The following IL12RB2 variants were observed in gnomAD, a reference collection of about 807,000 sequenced individuals.
IL12RB2 encodes interleukin 12 receptor subunit beta 2, also known as interleukin-12 receptor subunit beta-2.
IL12RB2 carries 82 observed loss-of-function variants against 89.4 expected under a neutral mutation model. The observed-to-expected ratio is 0.92, with a 90% confidence interval of 0.77 to 1.10. The LOEUF is 1.10. Ranked by LOEUF, IL12RB2 falls within the 50% of genes least tolerant of loss-of-function variation. The pLI is 0.00. For missense variants in IL12RB2, 963 were observed against 1,031.9 expected (o/e 0.93, Z 0.92); for synonymous variants, 368 against 370.1 (o/e 0.99, Z 0.07).
intron 4 of IL12RB2, among the ~76,000 whole-genome samples, chr1:67,322,491 G>A (rs1656690336): frequency 6.6e-6 from 1 of 151,752 alleles, no homozygotes; most frequent in Non-Finnish European, 1.5e-5. Flanking sequence ...AGGGGGCATG[G>A]GGCAGAGGAG....
At chr1:67,390,816 T>C (rs1015860354) in intron 16 of IL12RB2, among the ~76,000 whole-genome samples, 10 of 152,032 alleles carry the variant, frequency 6.6e-5, no homozygotes, top group Admixed American at 2.0e-4. Flanking sequence ...AGGGGAGAAA[T>C]AGGAGAGAGA....
At chr1:67,357,664 G>C (rs1162668536) in intron 10 of IL12RB2, among the ~76,000 whole-genome samples, 1 of 152,134 alleles carries the variant, frequency 6.6e-6, no homozygotes, top group Non-Finnish European at 1.5e-5. Flanking sequence ...TCTGAGAGTG[G>C]TCAATTACAT....
chr1:67,339,891 G>T (rs1471945146), intron 9 of IL12RB2, among the ~76,000 whole-genome samples: 1 of 152,158 alleles, frequency 6.6e-6, no homozygotes, highest in African/African-American at 2.4e-5. Context: ...TTCGAATTGA[G>T]CTACTGATTG....
At position 67,376,488 on chromosome 1, in the gene IL12RB2, C is replaced by G. The variant is rs370507605; in HGVS notation, c.1718-3498C>G. On this transcript the variant is annotated intron_variant, in intron 13 of 16. Coordinates refer to ENST00000674203, the MANE Select transcript of IL12RB2 (RefSeq NM_001374259.2). Reference sequence around the variant, plus strand: ...ACTGGTGCCTTTATCATTGAATCACCCTGAGTGTAAGTTTTCAGACCGCCA... The same window carrying G: ...ACTGGTGCCTTTATCATTGAATCACGCTGAGTGTAAGTTTTCAGACCGCCA... Among the ~76,000 whole-genome samples, 30 of 152,280 alleles carry G rather than the reference C, an allele frequency of 2.0e-4. No homozygotes were observed. In the South Asian group the frequency reaches 6.0e-3, roughly 31 times the overall value.
At chr1:67,387,695 T>A (rs1665358602) in intron 15 of IL12RB2, among the ~76,000 whole-genome samples, 1 of 97,162 alleles carries the variant, frequency 1.0e-5, no homozygotes, top group African/African-American at 3.2e-5. Flanking sequence ...ACAGCAAGAC[T>A]GTCTCAAAAA....
intron 8 of IL12RB2, among the ~76,000 whole-genome samples, chr1:67,332,436 G>A (rs551810879): frequency 9.2e-5 from 14 of 152,064 alleles, no homozygotes; most frequent in South Asian, 2.1e-4. Context: ...GGCTGGTCTC[G>A]AACTCTTGAC....
At position 67,397,550 on chromosome 1, in the gene IL12RB2, T is replaced by G. The variant is rs1666436944; in HGVS notation, c.*1461T>G. Among the ~76,000 whole-genome samples, 2 of 152,170 alleles carry G rather than the reference T, an allele frequency of 1.3e-5. No individual in the cohort carries two copies. Among genetic ancestry groups the G allele is most frequent in the African/African-American group, 4.8e-5 (2 of 41,442 alleles). On this transcript the variant is annotated 3_prime_UTR_variant, in exon 17 of 17. Transcript: ENST00000674203. Reference sequence around the variant, plus strand: ...GAAGATAACTCTCTTTTCCACAACATGGACTTGGAACATGATCCATGTTTT... The same window carrying G: ...GAAGATAACTCTCTTTTCCACAACAGGGACTTGGAACATGATCCATGTTTT...
intron 10 of IL12RB2, among the ~76,000 whole-genome samples, chr1:67,352,694 A>G (rs1034841773): frequency 6.6e-6 from 1 of 152,354 alleles, no homozygotes; most frequent in Admixed American, 6.5e-5. Flanking sequence ...TTTTTCAAAT[A>G]TATGAAACTT....
chr1:67,376,588 C>T (rs531621067), intron 13 of IL12RB2, among the ~76,000 whole-genome samples: 19 of 152,306 alleles, frequency 1.2e-4, no homozygotes, highest in African/African-American at 4.1e-4. Context: ...TCCTGCTTGA[C>T]TTCTTGACTT....
At chr1:67,372,812 G>A in intron 13 of IL12RB2, 29 bp downstream of exon 13, 1 of 1,523,700 alleles carries the variant, frequency 6.6e-7, no homozygotes, top group Non-Finnish European at 9.1e-7. Context: ...TGCAGTGAGT[G>A]GGGCCTTCTT....
In IL12RB2 at chr1:67,367,880, GGT is replaced by G; in HGVS notation, c.1316_1317del (p.Val439AspfsTer27). 1 of 1,609,730 alleles carries G rather than the reference GGT, an allele frequency of 6.2e-7. No homozygotes were observed. The highest frequency in any genetic ancestry group is 8.5e-7 in the Non-Finnish European group (1 of 1,175,982). On this transcript the variant is annotated frameshift_variant, in exon 11 of 17. Transcript: ENST00000674203. LOFTEE classifies it high-confidence loss of function. ...ACTCAGAGGGCATGGACAACATTCT[GGT>G]GACTTGGCAGCCTCCCAGGAAAGAT... ...ANSEGMDNIL[V>X]TWQPPRKDPS...
At chr1:67,350,055 G>A (rs1660665062) in intron 9 of IL12RB2, among the ~76,000 whole-genome samples, 1 of 152,186 alleles carries the variant, frequency 6.6e-6, no homozygotes. Flanking sequence ...CCCCACCCAT[G>A]GAAGGGACAG....
chr1:67,324,348 A>G (rs1489390026), intron 4 of IL12RB2, among the ~76,000 whole-genome samples: 1 of 151,916 alleles, frequency 6.6e-6, no homozygotes, highest in Non-Finnish European at 1.5e-5. Flanking sequence ...TCAGCCTCCC[A>G]AGTAGCTGGG....
intron 10 of IL12RB2, among the ~76,000 whole-genome samples, chr1:67,361,582 A>G (rs1388272640): frequency 6.6e-6 from 1 of 152,204 alleles, no homozygotes; most frequent in Non-Finnish European, 1.5e-5. Flanking sequence ...GCTTGAAGAT[A>G]TGTCAATAGA....
At chr1:67,322,788 T>C (rs571115599) in intron 4 of IL12RB2, among the ~76,000 whole-genome samples, 1 of 152,290 alleles carries the variant, frequency 6.6e-6, no homozygotes, top group Admixed American at 6.5e-5. Flanking sequence ...GGATTAGAAC[T>C]AAAGTGTCAG....
At position 67,395,837 on chromosome 1, in the gene IL12RB2, C is replaced by T. The variant is rs2229546; in HGVS notation, c.2337C>T (p.Pro779=). 28 of 1,610,510 alleles carry T rather than the reference C, an allele frequency of 1.7e-5. No homozygotes were observed. The highest frequency in any genetic ancestry group is 3.3e-4 in the Middle Eastern group (2 of 6,074). The part of the protein sequence containing the change: ...VLESRGSDPK[P]ENPACPWTVL... ...AGAGCAGGGGCTCCGACCCAAAGCC[C>T]GAAAACCCAGCCTGTCCCTGGACGG... The change falls in exon 17 of 17, where the codon CCC becomes CCT. Residue 779 remains proline (P), a synonymous_variant. Transcript: ENST00000674203.
At chr1:67,375,525 G>A (rs574007526) in intron 13 of IL12RB2, among the ~76,000 whole-genome samples, 5 of 152,294 alleles carry the variant, frequency 3.3e-5, no homozygotes, top group African/African-American at 1.2e-4. Flanking sequence ...TCTAGAGAGT[G>A]GTAGGAGGTG....
At chr1:67,336,431 T>A (rs1658771351) in intron 8 of IL12RB2, among the ~76,000 whole-genome samples, 3 of 152,162 alleles carry the variant, frequency 2.0e-5, no homozygotes, top group Non-Finnish European at 4.4e-5. Context: ...TTTTTCTTTT[T>A]GCATCTAAGC....
intron 10 of IL12RB2, among the ~76,000 whole-genome samples, chr1:67,366,250 G>A (rs1662652953): frequency 6.6e-6 from 1 of 151,926 alleles, no homozygotes; most frequent in Non-Finnish European, 1.5e-5. Flanking sequence ...TCAGGAGTTC[G>A]AGACCAGCCT....
Sources: gnomAD v4.1 joint callset for allele counts (sites outside exome capture counted in the v4.1 genomes callset) on GRCh38, gnomAD v4.1.1 for gene constraint, MANE v1.5 for transcripts, NCBI Gene and HGNC (gene_info 2026-07-23, HGNC 2026-07-21) for gene names.